Variants in ABI1 observed in about 807,000 individuals in gnomAD.
ABI1 encodes the protein Abelson interactor 1.
In ABI1, 14 loss-of-function variants were observed where a neutral mutation model predicts 54.6. That is an observed-to-expected ratio of 0.26 (90% CI 0.17 to 0.40). The LOEUF (loss-of-function observed/expected upper bound fraction) is 0.40. Among genes scored for constraint, ABI1 ranks in the 10% least tolerant of loss-of-function variants. The pLI is 1.00. For missense variants in ABI1, 443 were observed against 598.3 expected, an observed-to-expected ratio of 0.74 and a Z score of 2.71; for synonymous variants, 194 against 209.3, an observed-to-expected ratio of 0.93 and a Z score of 0.63.
intron 2 of ABI1, among the ~76,000 whole-genome samples, chr10:26,779,496 A>G (rs570105438): frequency 1.3e-5 from 2 of 152,230 alleles, no homozygotes; most frequent in African/African-American, 4.8e-5. Context: ...ACAGGGGCAC[A>G]TAAGGTTCTG....
intron 2 of ABI1, among the ~76,000 whole-genome samples, chr10:26,789,333 T>C (rs1463136173): frequency 6.6e-6 from 1 of 152,080 alleles, no homozygotes; most frequent in African/African-American, 2.4e-5. Context: ...TGGAACAAAT[T>C]TGGAAGTAAC....
chr10:26,747,272 CAAG>C lies in ABI1; in HGVS notation c.*1295_*1297del, dbSNP rs1052629740. ...AAGCAATAGAGAATTATACACAAGA[CAAG>C]AAGAGAAAACATCCCTCAGCCCTCC... is the stretch of plus-strand genomic sequence containing the variant. On this transcript the variant is annotated 3_prime_UTR_variant, in exon 11 of 11. Coordinates refer to ENST00000376140, the MANE Select transcript of ABI1 (RefSeq NM_001012750.3). 1.4e-4 allele frequency: 31 copies of C among 225,240 alleles called. No homozygotes were observed. The highest frequency in any genetic ancestry group is 1.2e-3 in the East Asian group (18 of 15,558). The allele number at this position is 225,240 out of a possible 1,614,324, so 14.0% of individuals were successfully genotyped here.
Position 26,746,691 on chromosome 10 carries a change from A to ATAAAT in ABI1, c.*1874_*1878dup, listed in dbSNP as rs760339238. Reference sequence around the variant, plus strand: ...CACCTGAATCTGTCATTCTAGTCCTATAAATTATAATCAAGGTATCTTGAT... The same window carrying ATAAAT: ...CACCTGAATCTGTCATTCTAGTCCTATAAATTAAATTATAATCAAGGTATCTTGAT... On this transcript the variant is annotated 3_prime_UTR_variant, in exon 11 of 11. Transcript: ENST00000376140. 109 of 534,878 alleles carry ATAAAT rather than the reference A, an allele frequency of 2.0e-4. No homozygotes were observed. Among genetic ancestry groups the ATAAAT allele is most frequent in the Non-Finnish European group, 3.4e-4 (101 of 298,240 alleles). The allele number at this position is 534,878 out of a possible 1,614,324, so 33.1% of individuals were successfully genotyped here.
At chr10:26,764,329 T>C (rs1431466456) in intron 7 of ABI1, among the ~76,000 whole-genome samples, 1 of 152,202 alleles carries the variant, frequency 6.6e-6, no homozygotes, top group Non-Finnish European at 1.5e-5. Flanking sequence ...CAAGGATTTC[T>C]TAAATTTTCA....
At chr10:26,789,784 T>C (rs567499188) in intron 2 of ABI1, among the ~76,000 whole-genome samples, 25 of 152,270 alleles carry the variant, frequency 1.6e-4, no homozygotes, top group African/African-American at 6.0e-4. Flanking sequence ...TCTTCCCACC[T>C]TTCACCCTCC....
intron 9 of ABI1, among the ~76,000 whole-genome samples, chr10:26,755,297 A>C (rs1266335718): frequency 6.6e-6 from 1 of 152,162 alleles, no homozygotes; most frequent in Non-Finnish European, 1.5e-5. Flanking sequence ...TGATAAATTT[A>C]TTAGAATTAA....
chr10:26,810,238 C>G (rs750786011), intron 2 of ABI1, among the ~76,000 whole-genome samples: 1 of 152,110 alleles, frequency 6.6e-6, no homozygotes, highest in Non-Finnish European at 1.5e-5. Flanking sequence ...CCTAACAGAA[C>G]TTCTTCCATC....
chr10:26,759,374 G>T, intron 7 of ABI1, 136 bp from the exon 8 acceptor site: 1 of 579,874 alleles, frequency 1.7e-6, no homozygotes, highest in Admixed American at 4.0e-5. Flanking sequence ...AAAATAAAGA[G>T]AAAAGTAAAG....
In ABI1 at chr10:26,759,130, G is replaced by A. The variant is rs1388640240; in HGVS notation, c.929C>T (p.Pro310Leu). 1.2e-6 allele frequency: 2 copies of A among 1,614,080 alleles called. No homozygotes were observed. The highest frequency in any genetic ancestry group is 1.1e-5 in the South Asian group (1 of 91,078). Residue 310 changes from proline (P) to leucine (L), a missense_variant, in exon 8 of 11, where the codon CCC (proline) becomes CTC (leucine). Pro to Leu is a moderately conservative substitution (Grantham distance 98). This residue lies in a region of ABI1 where 394 missense variants were observed against 484.8 expected (regional missense o/e 0.81). Coordinates refer to ENST00000376140, the MANE Select transcript of ABI1 (RefSeq NM_001012750.3). ...STSSGGYRRTPSVTAQFSAQP... is the reference protein window; with the variant it reads ...STSSGGYRRTLSVTAQFSAQP... ...AGCAGAAAATTGAGCAGTCACAGAG[G>A]GAGTTCGTCTGTATCCACCAGAAGA...
At chr10:26,763,910 C>T (rs778792155) in intron 7 of ABI1, 3 of 1,613,224 alleles carry the variant, frequency 1.9e-6, no homozygotes, top group South Asian at 2.2e-5. Context: ...AGAAGTGGTG[C>T]CAGAGGTGGT....
chr10:26,807,110 A>C (rs1034396769), intron 2 of ABI1, among the ~76,000 whole-genome samples: 9 of 152,192 alleles, frequency 5.9e-5, no homozygotes, highest in African/African-American at 2.2e-4. Context: ...GTCCTTTAAA[A>C]AATGTTTTGA....
chr10:26,840,687 G>A (rs10764652), intron 1 of ABI1, among the ~76,000 whole-genome samples: 38,855 of 151,950 alleles, frequency 0.26, 5,627 homozygotes, highest in South Asian at 0.44. Context: ...AATTTTCTAT[G>A]CTACTGCTAT....
intron 2 of ABI1, among the ~76,000 whole-genome samples, chr10:26,820,563 A>C (rs2047902120): frequency 6.6e-6 from 1 of 152,126 alleles, no homozygotes; most frequent in Non-Finnish European, 1.5e-5. Context: ...TAACATATCT[A>C]AATGTATGAG....
chr10:26,835,757 A>C (rs544547876), intron 1 of ABI1, among the ~76,000 whole-genome samples: 12 of 148,640 alleles, frequency 8.1e-5, no homozygotes, highest in African/African-American at 3.0e-4. Context: ...ACTTGAAGGG[A>C]AAAAAATATT....
At position 26,824,023 on chromosome 10, in the gene ABI1, C is replaced by T. The variant is rs545988733; in HGVS notation, c.118-718G>A. 2.0e-5 allele frequency among the ~76,000 whole-genome samples: 3 copies of T among 152,072 alleles called. No homozygotes were observed. In the South Asian group the frequency reaches 6.3e-4, roughly 32 times the overall value. ...AACTTCAGGAAAATCATTTATTTCT[C>T]CAGGTATCAGTGTCATGAACTCAGA... On this transcript the variant is annotated intron_variant, in intron 1 of 10. Coordinates refer to ENST00000376140, the MANE Select transcript of ABI1 (RefSeq NM_001012750.3).
At chr10:26,765,459 C>T in intron 6 of ABI1, 141 bp from the exon 7 acceptor site, 2 of 654,318 alleles carry the variant, frequency 3.1e-6, no homozygotes, top group Non-Finnish European at 5.1e-6. Flanking sequence ...GTTTCAAGAG[C>T]CCCCTTGGAT....
intron 2 of ABI1, among the ~76,000 whole-genome samples, chr10:26,808,269 G>C (rs1220907335): frequency 6.6e-6 from 1 of 152,152 alleles, no homozygotes; most frequent in East Asian, 1.9e-4. Context: ...GAACTATTCT[G>C]TTATTACCAC....
chr10:26,824,337 A>G (rs905392621), intron 1 of ABI1, among the ~76,000 whole-genome samples: 3 of 152,214 alleles, frequency 2.0e-5, no homozygotes, highest in African/African-American at 7.2e-5. Flanking sequence ...TTACACACAG[A>G]TTTACTTTCT....
chr10:26,778,416 C>T (rs1361437814), intron 2 of ABI1, among the ~76,000 whole-genome samples: 2 of 150,228 alleles, frequency 1.3e-5, no homozygotes, highest in African/African-American at 2.5e-5. Context: ...AAGAACAAGA[C>T]TGCAGAGAGT....
Sources: allele counts gnomAD v4.1 joint callset (sites outside exome capture counted in the v4.1 genomes callset), GRCh38; gene constraint gnomAD v4.1.1; regional missense constraint gnomAD v4.1.1; transcripts MANE v1.5; gene names NCBI Gene and HGNC (gene_info 2026-07-23, HGNC 2026-07-21).